FES: variants seen among roughly 807,000 people sequenced by gnomAD.
The protein encoded by FES is tyrosine-protein kinase Fes/Fps.
In FES, 83 loss-of-function variants were observed where a neutral mutation model predicts 109.6. The observed-to-expected ratio is 0.76, with a 90% CI of 0.63 to 0.91. The LOEUF (loss-of-function observed/expected upper bound fraction) is 0.91. FES is among the 40% of genes least tolerant of loss of function. The pLI is 0.00. For synonymous variants in FES, 458 were observed against 442.1 expected (o/e 1.04, Z -0.45); for missense variants, 943 against 1,070.9 (o/e 0.88, Z 1.67).
chr15:90,895,469 G>A lies in FES; in HGVS notation c.2380G>A (p.Glu794Lys). Residue 794 changes from glutamate (E) to lysine (K), a missense_variant, in exon 19 of 19, where the codon GAG becomes AAG. Physicochemically the swap from Glu to Lys is moderately conservative, Grantham distance 56 (BLOSUM62 1). Transcript: ENST00000328850. ...LCPDAVFRLM[E>K]QCWAYEPGQR... Reference sequence around the variant, plus strand: ...TCCTGATGCCGTGTTCAGGCTCATGGAGCAGTGCTGGGCCTATGAGCCTGG... The same window carrying A: ...TCCTGATGCCGTGTTCAGGCTCATGAAGCAGTGCTGGGCCTATGAGCCTGG... 6.3e-7 allele frequency: 1 copy of A among 1,592,846 alleles called. No individual in the cohort carries two copies. The highest frequency in any genetic ancestry group is 8.6e-7 in the Non-Finnish European group (1 of 1,168,216).
At chr15:90,891,246 T>TTCCCC in intron 11 of FES, 55 bp downstream of exon 11, 1 of 1,530,822 alleles carries the variant, frequency 6.5e-7, no homozygotes, top group Non-Finnish European at 8.8e-7. Context: ...CTCCCTTCCC[T>TTCCCC]TCCCCAAGGG....
chr15:90,886,052 T>A (rs1041977432), intron 3 of FES, among the ~76,000 whole-genome samples: 1 of 152,160 alleles, frequency 6.6e-6, no homozygotes, highest in Non-Finnish European at 1.5e-5. Flanking sequence ...CCCACCCAGC[T>A]CCTCAGTCTA....
intron 10 of FES, 56 bp downstream of exon 10, chr15:90,890,540 G>C: frequency 6.7e-7 from 1 of 1,499,136 alleles, no homozygotes; most frequent in Non-Finnish European, 9.2e-7. Context: ...TTAATCACTG[G>C]GATGTCCTAG....
Position 90,885,486 on chromosome 15 carries a change from A to G in FES, c.288A>G (p.Ser96=), listed in dbSNP as rs1373958058. 1 of 1,613,428 alleles carries G rather than the reference A, an allele frequency of 6.2e-7. No individual in the cohort carries two copies. The highest frequency in any genetic ancestry group is 1.1e-5 in the South Asian group (1 of 91,088). Reference sequence around the variant, plus strand: ...GGCAGCACGCAGAGGATCTGAACTCAGGGCCCCTGAGCAAGCTGAGCCTGC... The same window carrying G: ...GGCAGCACGCAGAGGATCTGAACTCGGGGCCCCTGAGCAAGCTGAGCCTGC... ...LLRQHAEDLN[S]GPLSKLSLLI... is the part of the protein sequence containing the mutation. The change falls in exon 3 of 19, where the codon TCA becomes TCG. Residue 96 remains serine, a synonymous_variant. Transcript: ENST00000328850.
At chr15:90,887,397 C>T (rs1238059229) in intron 5 of FES, 27 bp downstream of exon 5, 2 of 1,584,290 alleles carry the variant, frequency 1.3e-6, no homozygotes, top group Non-Finnish European at 1.7e-6. Flanking sequence ...GTCCCCTGGC[C>T]CCCACCCTTG....
rs2032989438 is a variant in FES at position 90,889,508 on chromosome 15, C to T, written c.807-9C>T. On this transcript the variant is annotated splice_polypyrimidine_tract_variant and intron_variant, in intron 6 of 18. Coordinates refer to ENST00000328850, the MANE Select transcript of FES (RefSeq NM_002005.4). This position sits in a 1 kb window ranked among gnomAD's most constrained non-coding sequence, Gnocchi z 6.1. ...GGCCTGTCCACTGACGGGGCGCTGT[C>T]CCCCACAGGTCCGCACCTGACGTCC... The T allele has an allele frequency of 6.2e-7, 1 of 1,613,750 alleles. No homozygotes were observed. Among genetic ancestry groups the T allele is most frequent in the African/African-American group, 1.3e-5 (1 of 74,906 alleles).
At chr15:90,893,632 G>T (rs1449425993) in intron 16 of FES, 22 bp from the exon 17 acceptor site, 1 of 1,549,370 alleles carries the variant, frequency 6.5e-7, no homozygotes, top group Non-Finnish European at 8.7e-7. Context: ...GGCCAAATGA[G>T]CCCCTGCCCT....
chr15:90,886,041 T>A (rs1396723513), intron 3 of FES, among the ~76,000 whole-genome samples: 1 of 152,208 alleles, frequency 6.6e-6, no homozygotes, highest in East Asian at 1.9e-4. Context: ...TAGGTTTGAA[T>A]CCCACCCAGC....
At chr15:90,890,566 C>G (rs1298659126) in intron 10 of FES, 82 bp downstream of exon 10, 1 of 1,296,786 alleles carries the variant, frequency 7.7e-7, no homozygotes, top group Non-Finnish European at 1.1e-6. Flanking sequence ...AGGCTCTGCC[C>G]AGGCTGCTTG....
At position 90,893,701 on chromosome 15, in the gene FES, A is replaced by G. The variant is rs769943257; in HGVS notation, c.2093A>G (p.Lys698Arg). 13 of 1,611,132 alleles carry G rather than the reference A, an allele frequency of 8.1e-6. No individual in the cohort carries two copies. Among genetic ancestry groups the G allele is most frequent in the Non-Finnish European group, 1.1e-5 (13 of 1,178,724 alleles). Reference sequence around the variant, plus strand: ...CTGGTGACAGAGAAGAATGTCCTGAAGATCAGTGACTTTGGGATGTCCCGA... The same window carrying G: ...CTGGTGACAGAGAAGAATGTCCTGAGGATCAGTGACTTTGGGATGTCCCGA... ...NCLVTEKNVL[K>R]ISDFGMSREE... Residue 698 changes from lysine to arginine, a missense_variant, in exon 17 of 19, where the codon AAG becomes AGG. Physicochemically the swap from Lys to Arg is conservative, Grantham distance 26. Coordinates refer to ENST00000328850, the MANE Select transcript of FES (RefSeq NM_002005.4).
At chr15:90,894,702 G>C (rs1453679175) in intron 18 of FES, among the ~76,000 whole-genome samples, 1 of 152,160 alleles carries the variant, frequency 6.6e-6, no homozygotes, top group African/African-American at 2.4e-5. Context: ...GGAGGTGGAG[G>C]TTGCAGTGAG....
At position 90,893,202 on chromosome 15, in the gene FES, C is replaced by T. The variant is rs200896814; in HGVS notation, c.1921+8C>T. 175 of 1,613,552 alleles carry T rather than the reference C, an allele frequency of 1.1e-4. No individual in the cohort carries two copies. Among genetic ancestry groups the T allele is most frequent in the Middle Eastern group, 6.6e-4 (4 of 6,080 alleles). ...TCATGGAGCTTGTGCAGGGTGAGCGCGGGGCGCTGAGCTCCAGGTAGGGCG... is the reference window on the plus strand; with the variant it reads ...TCATGGAGCTTGTGCAGGGTGAGCGTGGGGCGCTGAGCTCCAGGTAGGGCG... On this transcript the variant is annotated splice_region_variant and intron_variant, in intron 15 of 18. Transcript: ENST00000328850.
rs1219359691 is a variant in FES at position 90,893,808 on chromosome 15, T to TA, written c.2201dup (p.Tyr734Ter). The TA allele has an allele frequency of 6.3e-7, 1 of 1,592,428 alleles. No homozygotes were observed. Among genetic ancestry groups the TA allele is most frequent in the Non-Finnish European group, 8.6e-7 (1 of 1,168,020 alleles). The change falls in exon 17 of 19, where the codon TAC becomes TAAC. Residue 734 changes from tyrosine (Y) to a stop codon, truncating the protein, a stop_gained and frameshift_variant. Transcript: ENST00000328850. LOFTEE classifies it high-confidence loss of function. ...GTGGACCGCACCTGAGGCCCTTAAC[T>TA]ACGGTACCTAGTCCCTGTCTACCCT... ...VKWTAPEALN[Y>*]GRYSSESDVW...
At chr15:90,890,338 C>T (rs2033090701) in intron 9 of FES, 60 bp downstream of exon 9, 5 of 1,593,726 alleles carry the variant, frequency 3.1e-6, no homozygotes, top group South Asian at 2.2e-5. Flanking sequence ...GGGCTGCGCT[C>T]CTCATTTTCG....
rs765053872 is a variant in FES, at chr15:90,893,165, C to A, written c.1892C>A (p.Pro631His). 6.2e-7 allele frequency: 1 copy of A among 1,614,024 alleles called. No homozygotes were observed. Among genetic ancestry groups the A allele is most frequent in the Non-Finnish European group, 8.5e-7 (1 of 1,179,986 alleles). ...RLIGVCTQKQ[P>H]IYIVMELVQG... ...ATTGGTGTCTGCACCCAGAAGCAGC[C>A]CATCTACATCGTCATGGAGCTTGTG... is the stretch of plus-strand genomic sequence containing the variant. The change falls in exon 15 of 19, where the codon CCC (proline) becomes CAC (histidine). Residue 631 changes from proline to histidine, a missense_variant. By Grantham distance (77) the Pro-to-His change is moderately conservative. Transcript: ENST00000328850.
chr15:90,893,203 G>T lies in FES; in HGVS notation c.1921+9G>T. 1 of 1,613,616 alleles carries T rather than the reference G, an allele frequency of 6.2e-7. No individual in the cohort carries two copies. The highest frequency in any genetic ancestry group is 1.7e-5 in the Admixed American group (1 of 59,986). On this transcript the variant is annotated intron_variant, in intron 15 of 18. Coordinates refer to ENST00000328850, the MANE Select transcript of FES (RefSeq NM_002005.4). ...CATGGAGCTTGTGCAGGGTGAGCGC[G>T]GGGCGCTGAGCTCCAGGTAGGGCGC... is the stretch of plus-strand genomic sequence containing the variant.
chr15:90,895,294 A>G, intron 18 of FES, 122 bp from the exon 19 acceptor site: 1 of 824,282 alleles, frequency 1.2e-6, no homozygotes, highest in Non-Finnish European at 1.7e-6. Flanking sequence ...TTGGTGGAGA[A>G]CAGTGCATCC....
At position 90,892,696 on chromosome 15, in the gene FES, G is replaced by A. The variant is rs942068813; in HGVS notation, c.1708-11G>A. ...TGGGAAGGCCGTGGTAGGAGCCCAA[G>A]ACCGTTTCAGGGGAACTTTGGCGAA... On this transcript the variant is annotated splice_polypyrimidine_tract_variant and intron_variant, in intron 13 of 18. Coordinates refer to ENST00000328850, the MANE Select transcript of FES (RefSeq NM_002005.4). The A allele has an allele frequency of 1.4e-5, 23 of 1,597,126 alleles. No individual in the cohort carries two copies. Among genetic ancestry groups the A allele is most frequent in the Non-Finnish European group, 2.0e-5 (23 of 1,171,228 alleles).
Position 90,895,628 on chromosome 15 carries a change from A to G in FES, c.*70A>G. On this transcript the variant is annotated 3_prime_UTR_variant, in exon 19 of 19. Coordinates refer to ENST00000328850, the MANE Select transcript of FES (RefSeq NM_002005.4). ...TGCAGCTCCTCAGCGGCTCCAGCTC[A>G]TATGCTGACAGCTCTTCACAGTCCT... is the stretch of plus-strand genomic sequence containing the variant. 1 of 1,365,052 alleles carries G rather than the reference A, an allele frequency of 7.3e-7. No homozygotes were observed. Among genetic ancestry groups the G allele is most frequent in the Non-Finnish European group, 9.7e-7 (1 of 1,026,762 alleles). 84.6% of individuals were successfully genotyped at this position (1,365,052 alleles called of 1,614,324 possible).
Sources: gnomAD v4.1 joint callset for allele counts (sites outside exome capture counted in the v4.1 genomes callset) on GRCh38, gnomAD v4.1.1 for gene constraint, Gnocchi (gnomAD v3.1) non-coding constraint, MANE v1.5 for transcripts, NCBI Gene and HGNC (gene_info 2026-07-23, HGNC 2026-07-21) for gene names.